FREM2: variants seen among roughly 807,000 people sequenced by gnomAD.
The protein encoded by FREM2 is FRAS1-related extracellular matrix protein 2.
FREM2 carries 119 observed loss-of-function variants against 219.9 expected under a neutral mutation model. The observed-to-expected ratio is 0.54, with a 90% CI of 0.47 to 0.63. The LOEUF is 0.63. Ranked by LOEUF, FREM2 falls within the 30% of genes least tolerant of loss-of-function variation. FREM2 has a pLI of 0.00. For missense variants in FREM2, 4,030 were observed against 3,993.6 expected, an observed-to-expected ratio of 1.01 and a Z score of -0.25; for synonymous variants, 1,562 against 1,522.8, an observed-to-expected ratio of 1.03 and a Z score of -0.60.
At chr13:38,772,777 A>C (rs1410579247) in intron 4 of FREM2, among the ~76,000 whole-genome samples, 1 of 151,218 alleles carries the variant, frequency 6.6e-6, no homozygotes, top group Admixed American at 6.6e-5. Context: ...GCTCACTGCA[A>C]CCTTCGCCTC....
At chr13:38,738,522 T>C (rs1268725321) in intron 2 of FREM2, among the ~76,000 whole-genome samples, 1 of 124,612 alleles carries the variant, frequency 8.0e-6, no homozygotes, top group Non-Finnish European at 1.5e-5. Context: ...GCTGAGATCA[T>C]GCCACTGCAC....
At chr13:38,874,670 C>G in intron 18 of FREM2, 84 bp downstream of exon 18, 2 of 1,014,204 alleles carry the variant, frequency 2.0e-6, no homozygotes, top group South Asian at 1.3e-5. Flanking sequence ...GCGTGCTTCT[C>G]TGTTACCACT....
chr13:38,707,104 G>C (rs1338614200), intron 2 of FREM2, among the ~76,000 whole-genome samples: 1 of 152,064 alleles, frequency 6.6e-6, no homozygotes, highest in Non-Finnish European at 1.5e-5. Context: ...TATTAATCCG[G>C]TTCTGCCCTT....
At chr13:38,812,193 G>A (rs892584904) in intron 6 of FREM2, among the ~76,000 whole-genome samples, 3 of 152,008 alleles carry the variant, frequency 2.0e-5, no homozygotes, top group African/African-American at 7.2e-5. Context: ...ATCTTTATAA[G>A]TGAAGTATGT....
At chr13:38,714,189 CAT>C (rs1378724397) in intron 2 of FREM2, among the ~76,000 whole-genome samples, 1 of 152,198 alleles carries the variant, frequency 6.6e-6, no homozygotes, top group Admixed American at 6.5e-5. Flanking sequence ...TGGTCAGTCA[CAT>C]ATTCAAATGA....
chr13:38,801,729 A>G (rs1325154401), intron 6 of FREM2, among the ~76,000 whole-genome samples: 1 of 152,100 alleles, frequency 6.6e-6, no homozygotes, highest in Non-Finnish European at 1.5e-5. Context: ...TGGCAGTGGT[A>G]ACCTAAGCAT....
chr13:38,810,850 C>T (rs1257114731), intron 6 of FREM2, among the ~76,000 whole-genome samples: 2 of 151,912 alleles, frequency 1.3e-5, no homozygotes, highest in Non-Finnish European at 2.9e-5. Flanking sequence ...ATTCCCTCTT[C>T]CCCTATTTTT....
intron 2 of FREM2, among the ~76,000 whole-genome samples, chr13:38,728,274 A>G (rs115513292): frequency 0.01 from 1,583 of 151,984 alleles, 23 homozygotes; most frequent in African/African-American, 0.036. Flanking sequence ...TAGTGTTACT[A>G]TTTTTTACTG....
intron 2 of FREM2, among the ~76,000 whole-genome samples, chr13:38,720,043 T>A (rs1008101944): frequency 9.2e-5 from 14 of 152,122 alleles, no homozygotes; most frequent in African/African-American, 3.1e-4. Flanking sequence ...ACAAGGAATA[T>A]TTTAGGGAAA....
At chr13:38,838,706 A>C (rs1473023210) in intron 6 of FREM2, among the ~76,000 whole-genome samples, 2 of 152,120 alleles carry the variant, frequency 1.3e-5, no homozygotes, top group African/African-American at 2.4e-5. Context: ...TTATTTCATT[A>C]AGTTGATCTT....
intron 2 of FREM2, among the ~76,000 whole-genome samples, chr13:38,742,183 ATAGTT>A (rs1430982962): frequency 6.6e-6 from 1 of 152,254 alleles, no homozygotes; most frequent in African/African-American, 2.4e-5. Flanking sequence ...TTTATCAAAA[ATAGTT>A]TAAAGAACAA....
At chr13:38,708,653 C>CAATAAATACATA (rs1566112378) in intron 2 of FREM2, among the ~76,000 whole-genome samples, 1 of 152,028 alleles carries the variant, frequency 6.6e-6, no homozygotes. Context: ...GACTCTGTCT[C>CAATAAATACATA]AATAAATAAA....
chr13:38,881,807 T>C lies in FREM2; in HGVS notation c.*1020T>C, dbSNP rs142138500. On this transcript the variant is annotated 3_prime_UTR_variant, in exon 24 of 24. Transcript: ENST00000280481. ...ATACTTTATAGAATAAAGGAACATT[T>C]TGACAGATGAGGTTATCCCTCGGAG... is the stretch of plus-strand genomic sequence containing the variant. 4 of 152,420 alleles carry C rather than the reference T, an allele frequency of 2.6e-5. No homozygotes were observed. The East Asian group carries it at 7.7e-4, about 29-fold the overall frequency. The allele number at this position is 152,420 out of a possible 1,614,324, so 9.4% of individuals were successfully genotyped here.
chr13:38,745,827 G>A (rs931295115), intron 2 of FREM2, among the ~76,000 whole-genome samples: 1 of 152,062 alleles, frequency 6.6e-6, no homozygotes. Context: ...CTGCCTATCG[G>A]GGACAAGGTT....
intron 2 of FREM2, among the ~76,000 whole-genome samples, chr13:38,709,604 T>C (rs1017971328): frequency 3.3e-5 from 5 of 152,118 alleles, no homozygotes; most frequent in Admixed American, 6.6e-5. Context: ...TATATATACC[T>C]ATGTTATATG....
chr13:38,857,381 C>T (rs924838330), intron 12 of FREM2, among the ~76,000 whole-genome samples: 1 of 152,154 alleles, frequency 6.6e-6, no homozygotes, highest in African/African-American at 2.4e-5. Context: ...GGGTTTCAGG[C>T]AGTGCCTTCT....
At chr13:38,816,260 TCAAACAATCA>T (rs1875759594) in intron 6 of FREM2, among the ~76,000 whole-genome samples, 1 of 152,094 alleles carries the variant, frequency 6.6e-6, no homozygotes, top group South Asian at 2.1e-4. Flanking sequence ...GATTTCAAAA[TCAAACAATCA>T]CATAACAACA....
At chr13:38,750,203 C>G (rs1433523087) in intron 2 of FREM2, among the ~76,000 whole-genome samples, 1 of 152,136 alleles carries the variant, frequency 6.6e-6, no homozygotes, top group African/African-American at 2.4e-5. Flanking sequence ...CCACCCAAAC[C>G]TCATCTTGTA....
At chr13:38,736,426 G>T (rs1419950478) in intron 2 of FREM2, among the ~76,000 whole-genome samples, 2 of 152,072 alleles carry the variant, frequency 1.3e-5, no homozygotes, top group Non-Finnish European at 2.9e-5. Context: ...CCATGGAACA[G>T]GTATTGTTTT....
Sources: gnomAD v4.1 joint callset for allele counts (sites outside exome capture counted in the v4.1 genomes callset) on GRCh38, gnomAD v4.1.1 for gene constraint, MANE v1.5 for transcripts, NCBI Gene and HGNC (gene_info 2026-07-23, HGNC 2026-07-21) for gene names.